MROH2A: variants seen among roughly 807,000 people sequenced by gnomAD.
MROH2A encodes maestro heat like repeat family member 2A, also known as maestro heat-like repeat-containing protein family member 2A.
MROH2A carries 174 observed loss-of-function variants against 200.4 expected under a neutral mutation model. That is an observed-to-expected ratio of 0.87 (90% CI 0.77 to 0.98). The LOEUF (loss-of-function observed/expected upper bound fraction) is 0.98. Among genes scored for constraint, MROH2A ranks in the 50% least tolerant of loss-of-function variants. MROH2A has a pLI of 0.00. For missense variants in MROH2A, 2,045 were observed against 2,139.6 expected (o/e 0.96, Z 0.87); for synonymous variants, 829 against 840.4 (o/e 0.99, Z 0.23).
At chr2:233,800,619 G>C (rs535231139) in intron 14 of MROH2A, among the ~76,000 whole-genome samples, 39 of 94,782 alleles carry the variant, frequency 4.1e-4, no homozygotes, top group African/African-American at 1.8e-3. Flanking sequence ...TTTAAGGCCC[G>C]TGTGTGTGTG....
Position 233,818,737 on chromosome 2 carries a change from G to T in MROH2A, c.3171G>T (p.Glu1057Asp). ...GGGACCTCCAGAGCACAGATGTGGA[G>T]AAGATCTTCTGTGCATCCTCCAGAA... Reference protein sequence around the residue: ...CKGDLQSTDVEKIFCASSRIA... With the variant: ...CKGDLQSTDVDKIFCASSRIA... Residue 1057 changes from glutamate to aspartate, a missense_variant, in exon 29 of 42, where the codon GAG becomes GAT. This residue lies in a region of MROH2A where 1,201 missense variants were observed against 1,311.3 expected (regional missense o/e 0.92). Transcript: ENST00000389758. The T allele has an allele frequency of 6.5e-7, 1 of 1,549,602 alleles. No homozygotes were observed. Among genetic ancestry groups the T allele is most frequent in the South Asian group, 1.2e-5 (1 of 84,030 alleles).
rs1701931980 is a variant in MROH2A at position 233,793,710 on chromosome 2, G to C, written c.708G>C (p.Leu236=). The change falls in exon 7 of 42, where the codon CTG becomes CTC. Residue 236 remains leucine, a synonymous_variant. Coordinates refer to ENST00000389758, the MANE Select transcript of MROH2A (RefSeq NM_001394639.1). The part of the protein sequence containing the change: ...ETFCETVQFY[L]KHLEESVYPV... ...TCTGTGAGACGGTGCAGTTTTATCTGAAGCACCTGGAGGAGAGCGTGTACC... is the reference window on the plus strand; with the variant it reads ...TCTGTGAGACGGTGCAGTTTTATCTCAAGCACCTGGAGGAGAGCGTGTACC... 3 of 1,468,914 alleles carry C rather than the reference G, an allele frequency of 2.0e-6. No homozygotes were observed. The highest frequency in any genetic ancestry group is 1.8e-6 in the Non-Finnish European group (2 of 1,106,676). 91.0% of individuals were successfully genotyped at this position (1,468,914 alleles called of 1,614,324 possible).
chr2:233,784,658 G>A (rs914958010), intron 3 of MROH2A, among the ~76,000 whole-genome samples: 31 of 152,206 alleles, frequency 2.0e-4, no homozygotes, highest in African/African-American at 7.2e-4. Context: ...CCTCTGTCTC[G>A]CCTTCTCCCT....
intron 23 of MROH2A, among the ~76,000 whole-genome samples, chr2:233,811,646 G>C (rs1041202331): frequency 1.3e-5 from 2 of 152,256 alleles, no homozygotes; most frequent in African/African-American, 4.8e-5. Flanking sequence ...TGGCCCAGGG[G>C]CACACAGCAA....
chr2:233,809,004 A>G, intron 21 of MROH2A, 122 bp from the exon 22 acceptor site: 2 of 1,047,068 alleles, frequency 1.9e-6, no homozygotes, highest in Non-Finnish European at 2.7e-6. Context: ...CCCAGAAAAC[A>G]GTCAGGTGAA....
At chr2:233,829,516 A>G (rs1006098296) in intron 37 of MROH2A, 104 bp from the exon 38 acceptor site, 1 of 1,122,000 alleles carries the variant, frequency 8.9e-7, no homozygotes, top group African/African-American at 1.6e-5. Flanking sequence ...ATGATCCAGA[A>G]GGCTCTGCAG....
intron 35 of MROH2A, 30 bp downstream of exon 35, chr2:233,823,694 G>A (rs1704116826): frequency 3.2e-6 from 5 of 1,545,280 alleles, no homozygotes; most frequent in Non-Finnish European, 4.4e-6. Context: ...TGTGGGCGGG[G>A]TGCAAGCGGA....
At chr2:233,826,697 G>T (rs1704332352) in intron 35 of MROH2A, among the ~76,000 whole-genome samples, 1 of 152,152 alleles carries the variant, frequency 6.6e-6, no homozygotes, top group Non-Finnish European at 1.5e-5. Context: ...AACAGCAATT[G>T]CAACAAAAGC....
chr2:233,791,274 G>C (rs1267286850), intron 5 of MROH2A, among the ~76,000 whole-genome samples: 1 of 152,156 alleles, frequency 6.6e-6, no homozygotes, highest in Non-Finnish European at 1.5e-5. Flanking sequence ...GTACTAGGAG[G>C]TGGGTACTTG....
chr2:233,798,846 C>A lies in MROH2A; in HGVS notation c.1325C>A (p.Ser442Tyr), dbSNP rs576634340. The A allele has an allele frequency of 2.6e-6, 4 of 1,549,862 alleles. No individual in the cohort carries two copies. The highest frequency in any genetic ancestry group is 3.5e-6 in the Non-Finnish European group (4 of 1,146,508). ...AAGAACACCATCTCTGATACCCGGTCCAAGGTAACAGGGCAGAGACCTGGA... is the reference window on the plus strand; with the variant it reads ...AAGAACACCATCTCTGATACCCGGTACAAGGTAACAGGGCAGAGACCTGGA... ...VVKNTISDTR[S>Y]KVRMAILHII... Residue 442 changes from serine to tyrosine, a missense_variant, in exon 12 of 42, where the codon TCC becomes TAC. Transcript: ENST00000389758.
chr2:233,814,331 CT>C (rs918286546), intron 25 of MROH2A, among the ~76,000 whole-genome samples: 1 of 152,228 alleles, frequency 6.6e-6, no homozygotes, highest in African/African-American at 2.4e-5. Context: ...GTAGCCATCC[CT>C]GCCTCCAGGG....
rs1416007559 is a variant in MROH2A, at chr2:233,814,634, T to A, written c.2813T>A (p.Leu938Gln). The A allele has an allele frequency of 6.4e-7, 1 of 1,550,466 alleles. No homozygotes were observed. The highest frequency in any genetic ancestry group is 2.0e-5 in the Admixed American group (1 of 51,000). Residue 938 changes from leucine (L) to glutamine (Q), a missense_variant, in exon 26 of 42, where the codon CTG (leucine) becomes CAG (glutamine). Physicochemically the swap from Leu to Gln is moderately radical, Grantham distance 113. This residue lies in a region of MROH2A where 1,201 missense variants were observed against 1,311.3 expected (regional missense o/e 0.92). Coordinates refer to ENST00000389758, the MANE Select transcript of MROH2A (RefSeq NM_001394639.1). The part of the protein sequence containing the change: ...SSLEQLMESL[L>Q]QRQLDPKGLQ... Reference sequence around the variant, plus strand: ...CTGGAGCAGCTGATGGAGAGCCTCCTGCAGAGGCAGCTGGACCCCAAGGGG... The same window carrying A: ...CTGGAGCAGCTGATGGAGAGCCTCCAGCAGAGGCAGCTGGACCCCAAGGGG...
chr2:233,784,677 G>A (rs1042279677), intron 3 of MROH2A, among the ~76,000 whole-genome samples: 1 of 152,180 alleles, frequency 6.6e-6, no homozygotes, highest in Non-Finnish European at 1.5e-5. Context: ...CTCATCACAT[G>A]ATGCACTGGC....
chr2:233,831,604 G>A, intron 39 of MROH2A, 64 bp downstream of exon 39: 1 of 1,502,362 alleles, frequency 6.7e-7, no homozygotes, highest in East Asian at 2.5e-5. Context: ...GGAGCTGGGG[G>A]GTCGAGATTG....
rs552874312 is a variant in MROH2A at position 233,804,099 on chromosome 2, C to T, written c.1798C>T (p.Leu600Phe). ...GGGGGAGGGTCGTGGGATAGCCATG[C>T]TCAACCTCTTGAGGACCCTGAGCCA... ...YKGEGRGIAM[L>F]NLLRTLSQSI... The change falls in exon 17 of 42, where the codon CTC becomes TTC. Residue 600 changes from leucine (L) to phenylalanine (F), a missense_variant. This residue lies in a region of MROH2A where 831 missense variants were observed against 800.0 expected (regional missense o/e 1.04). Coordinates refer to ENST00000389758, the MANE Select transcript of MROH2A (RefSeq NM_001394639.1). The T allele has an allele frequency of 1.7e-4, 264 of 1,550,568 alleles. 5 individuals carry two copies. The South Asian group carries it at 3.0e-3, about 18-fold the overall frequency.
At chr2:233,799,627 C>A (rs2126123578) in intron 12 of MROH2A, among the ~76,000 whole-genome samples, 153 bp from the exon 13 acceptor site, 1 of 152,190 alleles carries the variant, frequency 6.6e-6, no homozygotes, top group East Asian at 1.9e-4. Flanking sequence ...CTGGATGAGG[C>A]AGGGGGAGGT....
chr2:233,785,056 G>GA (rs1274547694), intron 3 of MROH2A, among the ~76,000 whole-genome samples: 2 of 151,914 alleles, frequency 1.3e-5, no homozygotes, highest in African/African-American at 4.8e-5. Context: ...TGAGGCAAGA[G>GA]AATTGCTTGA....
chr2:233,802,227 T>C lies in MROH2A; in HGVS notation c.1620T>C (p.Thr540=). 3.2e-6 allele frequency: 5 copies of C among 1,550,414 alleles called. No individual in the cohort carries two copies. The highest frequency in any genetic ancestry group is 4.4e-6 in the Non-Finnish European group (5 of 1,146,870). Residue 540 remains threonine, a synonymous_variant, in exon 15 of 42, where the codon ACT becomes ACC. Coordinates refer to ENST00000389758, the MANE Select transcript of MROH2A (RefSeq NM_001394639.1). ...IMETDYVEAL[T]PICISLTNLA... ...AGACAGACTACGTGGAAGCTTTGACTCCTATCTGTATCAGCCTCACAAACC... is the reference window on the plus strand; with the variant it reads ...AGACAGACTACGTGGAAGCTTTGACCCCTATCTGTATCAGCCTCACAAACC...
At chr2:233,810,094 T>C (rs1641629523) in intron 22 of MROH2A, among the ~76,000 whole-genome samples, 1 of 152,248 alleles carries the variant, frequency 6.6e-6, no homozygotes, top group South Asian at 2.1e-4. Context: ...TAACCTCTCC[T>C]GCCTCTATGG....
Sources: gnomAD v4.1 joint callset for allele counts (sites outside exome capture counted in the v4.1 genomes callset) on GRCh38, gnomAD v4.1.1 for gene constraint, gnomAD v4.1.1 regional missense constraint, MANE v1.5 for transcripts, NCBI Gene and HGNC (gene_info 2026-07-23, HGNC 2026-07-21) for gene names.